Variants in EPHB1 observed in about 807,000 individuals in gnomAD.
The protein encoded by EPHB1 is EPH receptor B1, also known as ephrin type-B receptor 1.
Under a neutral mutation model 94.4 loss-of-function variants are expected in EPHB1, and 30 were observed. The observed-to-expected ratio is 0.32, with a 90% CI of 0.24 to 0.43. The LOEUF (loss-of-function observed/expected upper bound fraction) is 0.43, where lower values mean the gene tolerates loss of function less well. Ranked by LOEUF, EPHB1 falls within the 20% of genes least tolerant of loss-of-function variation. EPHB1 has a pLI of 1.00. For synonymous variants in EPHB1, 522 were observed against 489.1 expected, an observed-to-expected ratio of 1.07 and a Z score of -0.89; for missense variants, 1,055 against 1,308.3, an observed-to-expected ratio of 0.81 and a Z score of 2.99.
intron 1 of EPHB1, among the ~76,000 whole-genome samples, chr3:134,862,339 T>C (rs1161589796): frequency 6.6e-6 from 1 of 151,956 alleles, no homozygotes; most frequent in East Asian, 1.9e-4. Context: ...GCGTACTCCA[T>C]GGGTGCATGG....
intron 1 of EPHB1, among the ~76,000 whole-genome samples, chr3:134,888,322 G>A (rs1451394734): frequency 1.3e-5 from 2 of 152,228 alleles, no homozygotes; most frequent in East Asian, 3.9e-4. Context: ...AAGCCATGAG[G>A]GAGGGGGATT....
rs149409928 is a variant in EPHB1, at chr3:135,172,117, C to T, written c.1759+5111C>T. ...CCCATTTCGAGAAGGACATTGTCTG[C>T]AAAGTAGCTGTCCAGAAGAGAGCAG... On this transcript the variant is annotated intron_variant, in intron 9 of 15. Transcript: ENST00000398015. 7.2e-5 allele frequency among the ~76,000 whole-genome samples: 11 copies of T among 152,310 alleles called. No individual in the cohort carries two copies. The East Asian group carries it at 1.9e-3, about 27-fold the overall frequency.
chr3:134,924,732 C>CTGTG (rs1296776885), intron 1 of EPHB1, among the ~76,000 whole-genome samples: 1 of 152,186 alleles, frequency 6.6e-6, no homozygotes, highest in East Asian at 1.9e-4. Context: ...AAGAAATTAG[C>CTGTG]TATTGGTATA....
chr3:135,073,723 G>A (rs951691933), intron 3 of EPHB1, among the ~76,000 whole-genome samples: 1 of 151,862 alleles, frequency 6.6e-6, no homozygotes, highest in Non-Finnish European at 1.5e-5. Context: ...ACTGCAGTGG[G>A]TTTATTATCT....
chr3:135,094,842 G>A (rs187501022), intron 3 of EPHB1, among the ~76,000 whole-genome samples: 1 of 152,346 alleles, frequency 6.6e-6, no homozygotes, highest in African/African-American at 2.4e-5. Context: ...CAGCTTCAGG[G>A]GCAGGAATCT....
chr3:135,114,856 G>A (rs1939626642), intron 4 of EPHB1, among the ~76,000 whole-genome samples: 9 of 152,112 alleles, frequency 5.9e-5, no homozygotes, highest in Admixed American at 5.9e-4. Flanking sequence ...CTACTTTGAT[G>A]TAATTTTCAA....
At chr3:135,150,270 G>A (rs931871969) in intron 5 of EPHB1, among the ~76,000 whole-genome samples, 9 of 152,206 alleles carry the variant, frequency 5.9e-5, no homozygotes, top group Non-Finnish European at 5.9e-5. Context: ...TTGTGCCTCC[G>A]CAGAGGTCTG....
At chr3:134,968,460 T>C (rs1295601375) in intron 3 of EPHB1, among the ~76,000 whole-genome samples, 1 of 152,212 alleles carries the variant, frequency 6.6e-6, no homozygotes, top group Non-Finnish European at 1.5e-5. Flanking sequence ...TCCCTGAAGA[T>C]AGTGGAAACC....
In EPHB1 at chr3:135,255,809, A is replaced by T. The variant is rs564201039; in HGVS notation, c.2847-3203A>T. ...TGTCTCATTGATCTGTCTAATGTTG[A>T]CAGTGGGGTGTTAAAGTCTCCCATT... On this transcript the variant is annotated intron_variant, in intron 15 of 15. Transcript: ENST00000398015. Among the ~76,000 whole-genome samples, 57 of 144,476 alleles carry T rather than the reference A, an allele frequency of 3.9e-4. No homozygotes were observed. In the Middle Eastern group the frequency reaches 0.011, roughly 27 times the overall value. The allele number at this position is 144,476 out of a possible 152,430, so 94.8% of individuals were successfully genotyped here.
intron 3 of EPHB1, among the ~76,000 whole-genome samples, chr3:135,008,889 G>T (rs1389641190): frequency 6.6e-6 from 1 of 152,194 alleles, no homozygotes; most frequent in African/African-American, 2.4e-5. Context: ...AGTTCAGTGT[G>T]TCTTGAGATG....
At chr3:134,843,966 A>C (rs1187000343) in intron 1 of EPHB1, among the ~76,000 whole-genome samples, 1 of 152,100 alleles carries the variant, frequency 6.6e-6, no homozygotes, top group Non-Finnish European at 1.5e-5. Flanking sequence ...GATGTGTCAT[A>C]ATTTTCTGTT....
intron 1 of EPHB1, among the ~76,000 whole-genome samples, chr3:134,915,859 T>C (rs1256407885): frequency 6.6e-6 from 1 of 152,168 alleles, no homozygotes; most frequent in African/African-American, 2.4e-5. Flanking sequence ...AGCAGCAAGA[T>C]TTATTGCAAA....
rs542037707 is a variant in EPHB1, at chr3:135,242,281, T to C, written c.2496+984T>C. On this transcript the variant is annotated intron_variant, in intron 13 of 15. Transcript: ENST00000398015. ...CATCACTTTGGGAGGGGGCAGTTTT[T>C]ATCCTTCCCAACTGACAGCTAAAAG... 2.6e-5 allele frequency among the ~76,000 whole-genome samples: 4 copies of C among 152,252 alleles called. No individual in the cohort carries two copies. In the East Asian group the frequency reaches 7.8e-4, roughly 30 times the overall value.
intron 12 of EPHB1, among the ~76,000 whole-genome samples, chr3:135,220,592 GC>G (rs1943254152): frequency 7.0e-6 from 1 of 143,806 alleles, no homozygotes; most frequent in African/African-American, 2.5e-5. Context: ...TTTGTTGGAG[GC>G]CTTTTTTTTT....
intron 1 of EPHB1, among the ~76,000 whole-genome samples, chr3:134,923,426 A>G (rs1485249164): frequency 6.6e-6 from 1 of 152,114 alleles, no homozygotes; most frequent in Non-Finnish European, 1.5e-5. Flanking sequence ...CCCTGCTTAT[A>G]TCCCATGCAG....
chr3:134,946,532 C>T (rs2039220784), intron 2 of EPHB1, among the ~76,000 whole-genome samples: 1 of 152,168 alleles, frequency 6.6e-6, no homozygotes, highest in Admixed American at 6.5e-5. Flanking sequence ...TTCTATCTAC[C>T]TGTCCCCTCT....
intron 10 of EPHB1, among the ~76,000 whole-genome samples, chr3:135,185,210 A>C (rs187432555): frequency 1.3e-3 from 191 of 152,308 alleles, no homozygotes; most frequent in Non-Finnish European, 2.5e-3. Flanking sequence ...GGGATGAGGG[A>C]ATGTGTGATA....
At chr3:134,958,675 T>C (rs1301357652) in intron 3 of EPHB1, among the ~76,000 whole-genome samples, 1 of 152,112 alleles carries the variant, frequency 6.6e-6, no homozygotes, top group African/African-American at 2.4e-5. Context: ...CTACTTCATT[T>C]AGAAACCTCT....
At chr3:135,197,079 G>A (rs1379945904) in intron 11 of EPHB1, among the ~76,000 whole-genome samples, 2 of 147,288 alleles carry the variant, frequency 1.4e-5, no homozygotes, top group Non-Finnish European at 3.0e-5. Flanking sequence ...GCCATATAGC[G>A]AGACCCCGTT....
Sources: gnomAD v4.1 joint callset for allele counts (sites outside exome capture counted in the v4.1 genomes callset) on GRCh38, gnomAD v4.1.1 for gene constraint, MANE v1.5 for transcripts, NCBI Gene and HGNC (gene_info 2026-07-23, HGNC 2026-07-21) for gene names.